The following GPHN variants were observed in gnomAD, a reference collection of about 807,000 sequenced individuals.
The protein encoded by GPHN is gephyrin.
Under a neutral mutation model 95.5 loss-of-function variants are expected in GPHN, and 17 were observed. The observed-to-expected ratio is 0.18, with a 90% CI of 0.12 to 0.27. GPHN has a LOEUF of 0.27. GPHN is among the 10% of genes least tolerant of loss of function. The probability of loss-of-function intolerance (pLI) is 1.00; values close to 1 mark genes in which losing one functional copy is unlikely to be tolerated. For synonymous variants in GPHN, 320 were observed against 322.5 expected, an observed-to-expected ratio of 0.99 and a Z score of 0.08; for missense variants, 660 against 978.1, an observed-to-expected ratio of 0.67 and a Z score of 4.34.
At chr14:66,789,735 C>T (rs1423486107) in intron 3 of GPHN, among the ~76,000 whole-genome samples, 6 of 152,194 alleles carry the variant, frequency 3.9e-5, no homozygotes, top group Admixed American at 6.5e-5. Context: ...TCAGCCCATC[C>T]CCATGGGAAT....
chr14:67,208,335 C>T, the GPHN span: 11 of 1,613,928 alleles, frequency 6.8e-6, no homozygotes, highest in Admixed American at 1.7e-5. Context: ...TATTTTCAAA[C>T]TACCTTGACC....
the GPHN span, among the ~76,000 whole-genome samples, chr14:67,405,881 C>G: frequency 6.6e-6 from 1 of 152,186 alleles, no homozygotes; most frequent in Admixed American, 6.5e-5. Context: ...TGCAGCCTCA[C>G]GAGAGACCCT....
At chr14:67,267,042 AG>A in the GPHN span, among the ~76,000 whole-genome samples, 1 of 151,916 alleles carries the variant, frequency 6.6e-6, no homozygotes, top group Admixed American at 6.6e-5. Flanking sequence ...GGGGAGGCAG[AG>A]GTTCCAGTGA....
chr14:67,251,604 G>C, the GPHN span, among the ~76,000 whole-genome samples: 1 of 152,188 alleles, frequency 6.6e-6, no homozygotes, highest in African/African-American at 2.4e-5. Context: ...AGCTCCTTAA[G>C]GGTAGGATAG....
chr14:67,412,984 G>C, the GPHN span, among the ~76,000 whole-genome samples: 4 of 152,116 alleles, frequency 2.6e-5, no homozygotes, highest in Admixed American at 2.0e-4. Context: ...GGCTGGTCTT[G>C]ATTCCTGGCC....
At chr14:66,813,302 G>C (rs937246406) in intron 3 of GPHN, among the ~76,000 whole-genome samples, 1 of 152,206 alleles carries the variant, frequency 6.6e-6, no homozygotes, top group African/African-American at 2.4e-5. Flanking sequence ...ACACAGACAA[G>C]TGGAACAGCT....
intron 3 of GPHN, among the ~76,000 whole-genome samples, chr14:66,813,428 C>T (rs557019954): frequency 1.4e-4 from 22 of 152,286 alleles, no homozygotes; most frequent in South Asian, 6.2e-4. Context: ...AAGCTGGGAA[C>T]GCTGCATGGA....
At chr14:67,642,311 A>T in the GPHN span, 7 of 1,614,012 alleles carry the variant, frequency 4.3e-6, no homozygotes, top group East Asian at 1.6e-4. Flanking sequence ...TGAGGTGGTT[A>T]GCAGAGCTGT....
At chr14:67,412,741 G>T in the GPHN span, among the ~76,000 whole-genome samples, 22 of 152,206 alleles carry the variant, frequency 1.4e-4, no homozygotes, top group Admixed American at 2.6e-4. Context: ...ATTATATATA[G>T]AGAGAGATGA....
At chr14:66,769,086 C>T (rs887291909) in intron 2 of GPHN, among the ~76,000 whole-genome samples, 3 of 151,766 alleles carry the variant, frequency 2.0e-5, no homozygotes, top group South Asian at 2.1e-4. Flanking sequence ...GAATAAGGGA[C>T]GATTGTAATA....
chr14:66,894,202 A>G (rs2064695468), intron 5 of GPHN, among the ~76,000 whole-genome samples: 2 of 152,154 alleles, frequency 1.3e-5, no homozygotes, highest in Admixed American at 6.5e-5. Context: ...CTCAGAAATA[A>G]TACCACACAT....
the GPHN span, among the ~76,000 whole-genome samples, chr14:67,437,509 G>A: frequency 6.6e-6 from 1 of 152,136 alleles, no homozygotes; most frequent in African/African-American, 2.4e-5. Context: ...CTAAGCAAGT[G>A]ACACGGTCTG....
At chr14:67,147,419 T>G (rs2080962971) in intron 18 of GPHN, among the ~76,000 whole-genome samples, 1 of 152,242 alleles carries the variant, frequency 6.6e-6, no homozygotes, top group Non-Finnish European at 1.5e-5. Context: ...CTGTGCTTAA[T>G]TTGCTTCCAT....
At chr14:67,189,016 C>T in the GPHN span, among the ~76,000 whole-genome samples, 1 of 152,036 alleles carries the variant, frequency 6.6e-6, no homozygotes, top group Non-Finnish European at 1.5e-5. Flanking sequence ...AGCAGTTTCC[C>T]TCTAAAAATG....
At chr14:67,445,577 C>CTTTTTTTTTTTTTTTTTGTTTTTTTTTTT in the GPHN span, among the ~76,000 whole-genome samples, 1 of 59,922 alleles carries the variant, frequency 1.7e-5, no homozygotes, top group African/African-American at 7.5e-5. Context: ...AGAGGCAATT[C>CTTTTTTTTTTTTTTTTTGTTTTTTTTTTT]TTTTTTTTTT....
the GPHN span, chr14:67,473,211 C>G: frequency 1.5e-6 from 1 of 645,958 alleles, no homozygotes; most frequent in Non-Finnish European, 2.6e-6. The surrounding 1 kb of genome is among the most constrained non-coding windows in gnomAD (Gnocchi z 6.5). Flanking sequence ...CCCAATGTCC[C>G]TCTGCTGCCT....
chr14:67,041,562 G>C (rs2074707618), intron 10 of GPHN, among the ~76,000 whole-genome samples: 1 of 152,078 alleles, frequency 6.6e-6, no homozygotes, highest in African/African-American at 2.4e-5. Flanking sequence ...CATTTTTATG[G>C]CTGTATAGTA....
intron 4 of GPHN, among the ~76,000 whole-genome samples, chr14:66,843,767 A>G (rs1007962779): frequency 1.9e-4 from 29 of 152,166 alleles, no homozygotes; most frequent in African/African-American, 6.8e-4. Context: ...CTGACTTTTT[A>G]AACTACCACC....
intron 10 of GPHN, among the ~76,000 whole-genome samples, chr14:67,044,448 A>T (rs762120117): frequency 6.6e-6 from 1 of 151,990 alleles, no homozygotes; most frequent in Non-Finnish European, 1.5e-5. Flanking sequence ...TCTTTTTCTT[A>T]TTTCTTTCCA....
Sources: allele counts gnomAD v4.1 joint callset (sites outside exome capture counted in the v4.1 genomes callset), GRCh38; gene constraint gnomAD v4.1.1; non-coding constraint Gnocchi (gnomAD v3.1); transcripts MANE v1.5; gene names NCBI Gene and HGNC (gene_info 2026-07-23, HGNC 2026-07-21).